Variants in GABRA3 observed in about 807,000 individuals in gnomAD.
GABRA3 encodes gamma-aminobutyric acid receptor subunit alpha-3.
Under a neutral mutation model 30.1 loss-of-function variants are expected in GABRA3, and 10 were observed. The observed-to-expected ratio is 0.33, with a 90% CI of 0.20 to 0.56. GABRA3 has a LOEUF of 0.56. Ranked by LOEUF, GABRA3 falls within the 20% of genes least tolerant of loss-of-function variation. GABRA3 has a pLI of 0.89. For synonymous variants in GABRA3, 151 were observed against 146.8 expected (o/e 1.03, Z -0.21); for missense variants, 233 against 392.0 (o/e 0.59, Z 3.42).
Position 152,189,950 on chromosome X carries a change from A to AG in GABRA3, c.932-10dup. On this transcript the variant is annotated splice_polypyrimidine_tract_variant and intron_variant, in intron 8 of 9. Coordinates refer to ENST00000370314, the MANE Select transcript of GABRA3 (RefSeq NM_000808.4). The stretch of plus-strand genomic sequence containing the variant: ...AAGCACAGTGGTGACACCTGAGGAG[A>AG]GGAAAGATGAGAACCAGTTGCAACT... The AG allele has an allele frequency of 8.8e-7, 1 of 1,142,094 alleles. No homozygotes were observed. The highest frequency in any genetic ancestry group is 1.8e-5 in the African/African-American group (1 of 56,093). The allele number at this position is 1,142,094 out of a possible 1,213,427, so 94.1% of individuals were successfully genotyped here.
intron 1 of GABRA3, among the ~76,000 whole-genome samples, chrX:152,435,305 T>C (rs1374518178): frequency 2.7e-5 from 3 of 111,408 alleles, no homozygotes; most frequent in Non-Finnish European, 5.7e-5. Context: ...CGTTTGTTTA[T>C]TGCGGCACTG....
chrX:152,279,002 G>T (rs1939145904), intron 4 of GABRA3, among the ~76,000 whole-genome samples: 1 of 111,433 alleles, frequency 9.0e-6, no homozygotes, highest in African/African-American at 3.3e-5. Flanking sequence ...TGTAGATTCT[G>T]GATATTAGCC....
intron 1 of GABRA3, among the ~76,000 whole-genome samples, chrX:152,403,535 C>T (rs1324385755): frequency 6.2e-5 from 6 of 96,053 alleles, no homozygotes; most frequent in African/African-American, 2.2e-4. Flanking sequence ...TGTGTGTGTG[C>T]TTGTGTGTGT....
At chrX:152,197,902 C>G in intron 7 of GABRA3, 117 bp from the exon 8 acceptor site, 3 of 543,834 alleles carry the variant, frequency 5.5e-6, no homozygotes, top group South Asian at 4.2e-5. Context: ...CAGCATCTCC[C>G]AAGTTCATAT....
intron 3 of GABRA3, among the ~76,000 whole-genome samples, chrX:152,289,947 C>T (rs1603234621): frequency 8.9e-6 from 1 of 111,836 alleles, no homozygotes; most frequent in Non-Finnish European, 1.9e-5. Flanking sequence ...TTCCAAGTTT[C>T]TGCTATTGTG....
chrX:152,240,842 C>T (rs1016671371), intron 5 of GABRA3, among the ~76,000 whole-genome samples: 2 of 93,827 alleles, frequency 2.1e-5, no homozygotes, highest in Non-Finnish European at 4.1e-5. Flanking sequence ...GTTTTCAGCT[C>T]CATCAGCTCC....
intron 2 of GABRA3, among the ~76,000 whole-genome samples, chrX:152,357,837 A>G (rs1448507051): frequency 1.8e-5 from 2 of 111,025 alleles, no homozygotes; most frequent in African/African-American, 6.5e-5. Context: ...GTTTTTGTCA[A>G]TGCTGTGAAA....
At chrX:152,345,941 T>C (rs150445549) in intron 2 of GABRA3, among the ~76,000 whole-genome samples, 6 of 111,385 alleles carry the variant, frequency 5.4e-5, no homozygotes, top group East Asian at 2.9e-4. Context: ...GCCAGGCATA[T>C]ATCCTGGCCC....
chrX:152,438,547 G>T (rs190912028), intron 1 of GABRA3, among the ~76,000 whole-genome samples: 8 of 112,277 alleles, frequency 7.1e-5, no homozygotes, highest in African/African-American at 2.6e-4. Flanking sequence ...GCCAAAACTT[G>T]GAAGTAACCA....
chrX:152,246,869 T>C (rs866184773), intron 5 of GABRA3, among the ~76,000 whole-genome samples: 3 of 111,540 alleles, frequency 2.7e-5, no homozygotes, highest in Middle Eastern at 9.2e-3. Flanking sequence ...AAAAAAAGAC[T>C]GTGTGAAACA....
At chrX:152,335,194 G>A (rs1435573919) in intron 3 of GABRA3, among the ~76,000 whole-genome samples, 2 of 111,226 alleles carry the variant, frequency 1.8e-5, no homozygotes, top group African/African-American at 6.5e-5. Context: ...GGAGACCTGG[G>A]GCCACTGCCA....
At chrX:152,418,683 A>G (rs1056081192) in intron 1 of GABRA3, among the ~76,000 whole-genome samples, 31 of 111,858 alleles carry the variant, frequency 2.8e-4, no homozygotes, top group African/African-American at 1.0e-3. Flanking sequence ...TCAAAAATCA[A>G]TGAAATAAAA....
rs192391195 is a variant in GABRA3 at position 152,337,754 on chromosome X, G to T, written c.262+7827C>A. Among the ~76,000 whole-genome samples the T allele has an allele frequency of 3.1e-3, 347 of 111,882 alleles. 11 individuals are homozygous for T. Among genetic ancestry groups the T allele is most frequent in the Admixed American group, 0.026 (269 of 10,512 alleles). ...AGATCCCGTGAGCCCAGGAAATCAA[G>T]GCTGCAGGGAGCCATGATCATGCTA... On this transcript the variant is annotated intron_variant, in intron 3 of 9. Coordinates refer to ENST00000370314, the MANE Select transcript of GABRA3 (RefSeq NM_000808.4).
chrX:152,306,772 A>G (rs1487007407), intron 3 of GABRA3, among the ~76,000 whole-genome samples: 1 of 112,039 alleles, frequency 8.9e-6, no homozygotes, highest in Non-Finnish European at 1.9e-5. Context: ...TCAGTTTTAA[A>G]CCAAAAATTT....
At chrX:152,180,628 AT>A (rs1475525588) in intron 9 of GABRA3, among the ~76,000 whole-genome samples, 1 of 111,609 alleles carries the variant, frequency 9.0e-6, no homozygotes, top group East Asian at 2.8e-4. Context: ...TTTCACAGAG[AT>A]TTTTTTCCCC....
chrX:152,408,628 A>G (rs1474965123), intron 1 of GABRA3, among the ~76,000 whole-genome samples: 7 of 111,519 alleles, frequency 6.3e-5, no homozygotes, highest in Non-Finnish European at 1.1e-4. Context: ...TAAAATGTCC[A>G]TTCTATGCAA....
At chrX:152,202,484 C>A (rs1937496023) in intron 7 of GABRA3, among the ~76,000 whole-genome samples, 1 of 111,531 alleles carries the variant, frequency 9.0e-6, no homozygotes, top group Non-Finnish European at 1.9e-5. Context: ...TCTTGTGTAT[C>A]TTCCTAGAAA....
intron 5 of GABRA3, among the ~76,000 whole-genome samples, chrX:152,233,140 C>T (rs1161175908): frequency 9.3e-6 from 1 of 107,035 alleles, no homozygotes; most frequent in Non-Finnish European, 1.9e-5. Context: ...AATGTCGGTT[C>T]ATGATGGGGT....
rs370346018 is a variant in GABRA3 at position 152,312,807 on chromosome X, A to C, written c.263-28072T>G. 2.7e-5 allele frequency among the ~76,000 whole-genome samples: 3 copies of C among 112,220 alleles called. No individual in the cohort carries two copies. In the South Asian group the frequency reaches 1.1e-3, roughly 42 times the overall value. On this transcript the variant is annotated intron_variant, in intron 3 of 9. Transcript: ENST00000370314. ...AAGCAAGAATCAAACAACTCCATTAAAAAATGGGAAAAGGACATGAACAGA... is the reference window on the plus strand; with the variant it reads ...AAGCAAGAATCAAACAACTCCATTACAAAATGGGAAAAGGACATGAACAGA...
Sources: allele counts gnomAD v4.1 joint callset (sites outside exome capture counted in the v4.1 genomes callset), GRCh38; gene constraint gnomAD v4.1.1; transcripts MANE v1.5; gene names NCBI Gene and HGNC (gene_info 2026-07-23, HGNC 2026-07-21).